Variants in SEL1L2 observed in about 807,000 individuals in gnomAD.
SEL1L2 encodes SEL1L2 adaptor subunit of SYVN1 ubiquitin ligase.
A neutral mutation model predicts 98.8 loss-of-function variants in SEL1L2; 89 were observed. That is an observed-to-expected ratio of 0.90 (90% CI 0.76 to 1.07). SEL1L2 has a LOEUF of 1.07. Among genes scored for constraint, SEL1L2 ranks in the 50% least tolerant of loss-of-function variants. The pLI is 0.00. For synonymous variants in SEL1L2, 262 were observed against 278.5 expected (o/e 0.94, Z 0.59); for missense variants, 788 against 812.0 (o/e 0.97, Z 0.36).
At chr20:13,900,348 T>C (rs902959568) in intron 5 of SEL1L2, among the ~76,000 whole-genome samples, 4 of 152,240 alleles carry the variant, frequency 2.6e-5, no homozygotes, top group African/African-American at 9.6e-5. Flanking sequence ...TTTGCAATGT[T>C]ATCCATTAGT....
At position 13,875,552 on chromosome 20, in the gene SEL1L2, C is replaced by T. The variant is rs886810292; in HGVS notation, c.1104+486G>A. 2.0e-4 allele frequency among the ~76,000 whole-genome samples: 31 copies of T among 152,338 alleles called. 1 individual carries two copies. Among genetic ancestry groups the T allele is most frequent in the Admixed American group, 1.8e-3 (28 of 15,308 alleles). On this transcript the variant is annotated intron_variant, in intron 12 of 19. Transcript: ENST00000284951. Reference sequence around the variant, plus strand: ...TCTCCAGATCCCTATTCTCAGTCGCCTTGCCCTGGCCTCCTCCCTGACAAG... The same window carrying T: ...TCTCCAGATCCCTATTCTCAGTCGCTTTGCCCTGGCCTCCTCCCTGACAAG...
At chr20:13,898,278 C>T (rs73085447) in intron 5 of SEL1L2, among the ~76,000 whole-genome samples, 4,711 of 152,192 alleles carry the variant, frequency 0.031, 104 homozygotes, top group Non-Finnish European at 0.044. Flanking sequence ...TAGCCCATCC[C>T]CTGACCCCAC....
intron 2 of SEL1L2, among the ~76,000 whole-genome samples, chr20:13,946,498 C>T (rs996115513): frequency 6.6e-6 from 1 of 152,176 alleles, no homozygotes; most frequent in Non-Finnish European, 1.5e-5. Flanking sequence ...AAGACACTAA[C>T]AAATGGAAAT....
intron 5 of SEL1L2, among the ~76,000 whole-genome samples, chr20:13,905,066 C>T (rs1207575057): frequency 6.6e-6 from 1 of 152,088 alleles, no homozygotes; most frequent in Non-Finnish European, 1.5e-5. Flanking sequence ...AAAGCTCATT[C>T]TTAAAAGTAA....
chr20:13,865,959 G>A (rs143739234), intron 15 of SEL1L2, among the ~76,000 whole-genome samples: 67 of 152,268 alleles, frequency 4.4e-4, no homozygotes, highest in African/African-American at 1.5e-3. Flanking sequence ...GTGCCGGAGG[G>A]TGTAGGTGAC....
At chr20:13,956,176 T>C (rs1331832559) in intron 1 of SEL1L2, 45 bp from the exon 2 acceptor site, 2 of 1,020,890 alleles carry the variant, frequency 2.0e-6, no homozygotes, top group Non-Finnish European at 2.8e-6. Flanking sequence ...AGCATTTTCT[T>C]TTTAAAATTT....
chr20:13,866,553 C>T (rs1202792220), intron 15 of SEL1L2, 149 bp downstream of exon 15: 1 of 639,212 alleles, frequency 1.6e-6, no homozygotes, highest in African/African-American at 1.9e-5. Flanking sequence ...CTGCTTTTCC[C>T]CTCTGACAAA....
chr20:13,850,970 T>C (rs1481403675), intron 18 of SEL1L2, among the ~76,000 whole-genome samples: 2 of 151,656 alleles, frequency 1.3e-5, no homozygotes, highest in African/African-American at 2.4e-5. Flanking sequence ...CACAGGGGGG[T>C]TCACGCCTGT....
intron 5 of SEL1L2, among the ~76,000 whole-genome samples, chr20:13,901,479 A>C (rs1281171193): frequency 3.3e-5 from 5 of 152,240 alleles, no homozygotes; most frequent in Admixed American, 3.3e-4. Flanking sequence ...TGAGTGCTTA[A>C]TATGTTATTT....
chr20:13,876,885 G>A (rs1454449084), intron 11 of SEL1L2, among the ~76,000 whole-genome samples: 3 of 151,986 alleles, frequency 2.0e-5, no homozygotes, highest in African/African-American at 4.8e-5. Context: ...GAGCAGTGGC[G>A]TGATCTCAGC....
At chr20:13,863,745 G>A (rs1276316278) in intron 17 of SEL1L2, among the ~76,000 whole-genome samples, 1 of 152,108 alleles carries the variant, frequency 6.6e-6, no homozygotes, top group African/African-American at 2.4e-5. Flanking sequence ...GCCGAGGCAG[G>A]CAGATCACGA....
chr20:13,987,089 C>G (rs185773310), intron 1 of SEL1L2, among the ~76,000 whole-genome samples: 20 of 149,732 alleles, frequency 1.3e-4, no homozygotes, highest in Admixed American at 9.3e-4. Context: ...CCTCAGCCCC[C>G]CAAAGTGCTG....
chr20:13,917,263 T>C (rs1356462583), intron 4 of SEL1L2, among the ~76,000 whole-genome samples: 5 of 152,206 alleles, frequency 3.3e-5, no homozygotes, highest in African/African-American at 1.2e-4. Flanking sequence ...GAGCTCCTAT[T>C]AGGCTGGATT....
chr20:13,877,937 G>T (rs768547448), intron 10 of SEL1L2, among the ~76,000 whole-genome samples: 5 of 152,174 alleles, frequency 3.3e-5, no homozygotes, highest in Non-Finnish European at 5.9e-5. Flanking sequence ...TGAAAAGCAG[G>T]CTTCTCTGTT....
At chr20:13,937,465 G>C (rs993304986) in intron 2 of SEL1L2, among the ~76,000 whole-genome samples, 1 of 152,198 alleles carries the variant, frequency 6.6e-6, no homozygotes, top group Non-Finnish European at 1.5e-5. Context: ...AACAATCTAG[G>C]AGGTGGTGGG....
intron 10 of SEL1L2, 68 bp downstream of exon 10, chr20:13,885,279 C>T: frequency 9.7e-7 from 1 of 1,033,362 alleles, no homozygotes; most frequent in South Asian, 1.3e-5. Context: ...CCTGCTTTCA[C>T]TTCCCTGCCA....
intron 5 of SEL1L2, among the ~76,000 whole-genome samples, chr20:13,908,956 T>C (rs1240673000): frequency 1.3e-5 from 2 of 150,618 alleles, no homozygotes; most frequent in Admixed American, 6.6e-5. Context: ...GGAATTCCTA[T>C]CTTTTTGTTC....
intron 1 of SEL1L2, among the ~76,000 whole-genome samples, chr20:13,966,133 AT>A (rs1413622638): frequency 6.6e-6 from 1 of 152,186 alleles, no homozygotes; most frequent in East Asian, 1.9e-4. Flanking sequence ...AAACCTTCAA[AT>A]TATAAAAAAT....
chr20:13,987,032 C>T (rs2148579722), intron 1 of SEL1L2, among the ~76,000 whole-genome samples: 1 of 152,196 alleles, frequency 6.6e-6, no homozygotes, highest in Non-Finnish European at 1.5e-5. Flanking sequence ...GGGGTTTCAC[C>T]TTGTTAGCCA....
Sources: gnomAD v4.1 joint callset for allele counts (sites outside exome capture counted in the v4.1 genomes callset) on GRCh38, gnomAD v4.1.1 for gene constraint, MANE v1.5 for transcripts, NCBI Gene and HGNC (gene_info 2026-07-23, HGNC 2026-07-21) for gene names.